The following ABTB3 variants were observed in gnomAD, a reference collection of about 807,000 sequenced individuals.
The protein encoded by ABTB3 is ankyrin repeat and BTB domain containing 3, also known as ankyrin repeat- and BTB/POZ domain-containing protein 3.
chr12:107,480,292 T>C, the ABTB3 span, among the ~76,000 whole-genome samples: 1 of 151,424 alleles, frequency 6.6e-6, no homozygotes, highest in Admixed American at 6.6e-5. Flanking sequence ...AAAAAAAAAA[T>C]GTTATCCTAT....
At chr12:107,356,891 C>A in the ABTB3 span, among the ~76,000 whole-genome samples, 2 of 152,248 alleles carry the variant, frequency 1.3e-5, no homozygotes, top group Non-Finnish European at 2.9e-5. Context: ...CCACTGAATT[C>A]TCTTGTCCTT....
the ABTB3 span, among the ~76,000 whole-genome samples, chr12:107,432,137 T>C: frequency 6.6e-6 from 1 of 152,202 alleles, no homozygotes; most frequent in African/African-American, 2.4e-5. Flanking sequence ...TCTAACCCTA[T>C]TGAGGTTAAT....
chr12:107,618,338 G>A, the ABTB3 span: 81 of 1,613,504 alleles, frequency 5.0e-5, no homozygotes, highest in Non-Finnish European at 6.2e-5. Flanking sequence ...ACAGCGCTGA[G>A]CATGGCTACG....
chr12:107,553,381 T>G, the ABTB3 span, among the ~76,000 whole-genome samples: 1 of 152,184 alleles, frequency 6.6e-6, no homozygotes, highest in Admixed American at 6.5e-5. Flanking sequence ...GAAACTGAGA[T>G]GCAACACGGT....
the ABTB3 span, chr12:107,543,812 C>T: frequency 3.6e-6 from 3 of 840,284 alleles, no homozygotes; most frequent in Middle Eastern, 3.7e-4. Flanking sequence ...TTCAAGGTCC[C>T]ATTGAACCAC....
the ABTB3 span, among the ~76,000 whole-genome samples, chr12:107,450,058 T>G: frequency 6.6e-6 from 1 of 152,058 alleles, no homozygotes; most frequent in African/African-American, 2.4e-5. Context: ...TAATAAAACT[T>G]TGCTGTCCCA....
the ABTB3 span, among the ~76,000 whole-genome samples, chr12:107,621,530 C>A: frequency 6.6e-6 from 1 of 152,234 alleles, no homozygotes; most frequent in Admixed American, 6.5e-5. Flanking sequence ...TTTATTGAGA[C>A]ATTCTGTGTA....
the ABTB3 span, among the ~76,000 whole-genome samples, chr12:107,386,124 C>T: frequency 6.6e-6 from 1 of 152,206 alleles, no homozygotes; most frequent in Non-Finnish European, 1.5e-5. Context: ...GGCCTTTGCC[C>T]TGGCACTTAC....
the ABTB3 span, among the ~76,000 whole-genome samples, chr12:107,608,292 C>T: frequency 6.6e-5 from 10 of 152,302 alleles, no homozygotes; most frequent in Non-Finnish European, 1.2e-4. Flanking sequence ...TCACATCTCC[C>T]GGCCTCTAGG....
chr12:107,626,428 C>A, the ABTB3 span, among the ~76,000 whole-genome samples: 1 of 147,978 alleles, frequency 6.8e-6, no homozygotes, highest in African/African-American at 2.5e-5. Flanking sequence ...TCACTGCAAG[C>A]TCCACCTCCC....
the ABTB3 span, among the ~76,000 whole-genome samples, chr12:107,508,532 G>A: frequency 7.7e-6 from 1 of 129,882 alleles, no homozygotes; most frequent in Non-Finnish European, 1.5e-5. Flanking sequence ...TCGGCTCATT[G>A]CAACCTCCAC....
chr12:107,406,459 C>G, the ABTB3 span, among the ~76,000 whole-genome samples: 2 of 152,172 alleles, frequency 1.3e-5, no homozygotes, highest in Non-Finnish European at 2.9e-5. Context: ...CAATGATGCT[C>G]TACTTTTTCT....
chr12:107,618,249 G>GC, the ABTB3 span: 1 of 1,613,858 alleles, frequency 6.2e-7, no homozygotes, highest in Non-Finnish European at 8.5e-7. Context: ...GACTGACCTG[G>GC]CGGAGACAGC....
At chr12:107,382,055 T>C in the ABTB3 span, among the ~76,000 whole-genome samples, 14 of 152,186 alleles carry the variant, frequency 9.2e-5, no homozygotes, top group African/African-American at 3.4e-4. Context: ...GCATTCTAAT[T>C]AGGGCAGAAA....
the ABTB3 span, among the ~76,000 whole-genome samples, chr12:107,367,463 G>T: frequency 1.3e-5 from 2 of 151,464 alleles, no homozygotes; most frequent in East Asian, 1.9e-4. Context: ...ATTATGCAAG[G>T]GCTCTCTCTC....
chr12:107,510,422 A>G, the ABTB3 span, among the ~76,000 whole-genome samples: 1 of 151,758 alleles, frequency 6.6e-6, no homozygotes, highest in East Asian at 1.9e-4. Context: ...TCCTTCCCCA[A>G]TGCTACACCA....
the ABTB3 span, among the ~76,000 whole-genome samples, chr12:107,471,225 A>G: frequency 6.6e-6 from 1 of 152,190 alleles, no homozygotes. Flanking sequence ...AAAAGATGTT[A>G]TTTCCCCATT....
chr12:107,357,313 C>T, the ABTB3 span, among the ~76,000 whole-genome samples: 1 of 152,210 alleles, frequency 6.6e-6, no homozygotes, highest in Non-Finnish European at 1.5e-5. Context: ...CTACCCAATG[C>T]CCCAGGCTTT....
the ABTB3 span, among the ~76,000 whole-genome samples, chr12:107,622,035 G>A: frequency 2.6e-5 from 4 of 152,276 alleles, no homozygotes; most frequent in Admixed American, 6.5e-5. Flanking sequence ...GAGCCCAGGA[G>A]TTCGAGATTA....
Sources: allele counts gnomAD v4.1 joint callset (sites outside exome capture counted in the v4.1 genomes callset), GRCh38; gene constraint gnomAD v4.1.1; transcripts MANE v1.5; gene names NCBI Gene and HGNC (gene_info 2026-07-23, HGNC 2026-07-21).